NAALADL2: variants seen among roughly 807,000 people sequenced by gnomAD.
The protein encoded by NAALADL2 is inactive N-acetylated-alpha-linked acidic dipeptidase-like protein 2.
NAALADL2 carries 76 observed loss-of-function variants against 87.2 expected under a neutral mutation model. That is an observed-to-expected ratio of 0.87 (90% CI 0.72 to 1.05). The LOEUF is 1.05. NAALADL2 is among the 50% of genes least tolerant of loss of function. The pLI, the probability that NAALADL2 is intolerant of heterozygous loss-of-function variation, is 0.00. For missense variants in NAALADL2, 1,089 were observed against 945.8 expected (o/e 1.15, Z -1.99); for synonymous variants, 354 against 331.0 (o/e 1.07, Z -0.75).
chr3:175,719,892 C>CA (rs1741980372), intron 11 of NAALADL2, among the ~76,000 whole-genome samples: 1 of 152,178 alleles, frequency 6.6e-6, no homozygotes, highest in African/African-American at 2.4e-5. Context: ...TGCCTTTGCA[C>CA]AGTCTCCTCA....
rs779382433 is a variant in NAALADL2 at position 175,471,668 on chromosome 3, T to C, written c.1563T>C (p.Val521=). The C allele has an allele frequency of 6.5e-7, 1 of 1,544,838 alleles. No homozygotes were observed. Among genetic ancestry groups the C allele is most frequent in the Non-Finnish European group, 8.9e-7 (1 of 1,120,292 alleles). ...EDFKKVLQKN[V]VAYISLHSPI... is the part of the protein sequence containing the mutation. ...TCAAGAAGGTTCTTCAGAAAAATGT[T>C]GTGGCTTATATTAGCCTCCACAGTC... The change falls in exon 9 of 14, where the codon GTT becomes GTC. Residue 521 remains valine (V), a synonymous_variant. Coordinates refer to ENST00000454872, the MANE Select transcript of NAALADL2 (RefSeq NM_207015.3).
intron 3 of NAALADL2, among the ~76,000 whole-genome samples, chr3:174,739,847 C>G (rs945566742): frequency 6.6e-6 from 1 of 151,922 alleles, no homozygotes; most frequent in African/African-American, 2.4e-5. Flanking sequence ...CTTGTATTAG[C>G]AAAAAGTATT....
chr3:174,788,870 C>T (rs910439883), intron 3 of NAALADL2, among the ~76,000 whole-genome samples: 28 of 152,134 alleles, frequency 1.8e-4, no homozygotes, highest in African/African-American at 6.5e-4. Context: ...TTGCAGGGCC[C>T]TCTCATTACA....
intron 9 of NAALADL2, among the ~76,000 whole-genome samples, chr3:175,473,351 A>G (rs1166432606): frequency 6.6e-6 from 1 of 151,240 alleles, no homozygotes; most frequent in Non-Finnish European, 1.5e-5. Flanking sequence ...AAATGTTTGC[A>G]CACTAACAAA....
At chr3:175,105,333 A>G (rs2108448406) in intron 2 of NAALADL2, among the ~76,000 whole-genome samples, 1 of 152,076 alleles carries the variant, frequency 6.6e-6, no homozygotes, top group Non-Finnish European at 1.5e-5. Context: ...GAGAAAATGA[A>G]CCAGAGTACA....
chr3:174,876,376 C>A (rs1432400753), intron 1 of NAALADL2, among the ~76,000 whole-genome samples: 1 of 152,136 alleles, frequency 6.6e-6, no homozygotes, highest in Non-Finnish European at 1.5e-5. Flanking sequence ...GCTAACCATC[C>A]TCTAGCTCTT....
intron 5 of NAALADL2, among the ~76,000 whole-genome samples, chr3:175,374,552 A>AG (rs1766883454): frequency 2.9e-5 from 2 of 69,476 alleles, no homozygotes; most frequent in Non-Finnish European, 4.9e-5. Context: ...CTGCATCTCC[A>AG]GAAAAAAAAA....
intron 5 of NAALADL2, among the ~76,000 whole-genome samples, chr3:175,427,040 T>C (rs1221255372): frequency 4.6e-5 from 7 of 152,212 alleles, no homozygotes; most frequent in Non-Finnish European, 1.0e-4. Flanking sequence ...ATTTTAACTC[T>C]GGTAGATACT....
intron 2 of NAALADL2, among the ~76,000 whole-genome samples, chr3:175,162,398 AGT>A (rs1426951500): frequency 6.6e-6 from 1 of 152,152 alleles, no homozygotes; most frequent in Non-Finnish European, 1.5e-5. Context: ...AAGTCGTATC[AGT>A]ATGTTTAATA....
intron 2 of NAALADL2, among the ~76,000 whole-genome samples, chr3:174,622,780 C>A (rs530230925): frequency 6.6e-6 from 1 of 152,298 alleles, no homozygotes; most frequent in East Asian, 1.9e-4. Context: ...GTGGCTCACG[C>A]CTGTAATCCC....
chr3:174,941,630 T>C (rs1019129813), intron 1 of NAALADL2, among the ~76,000 whole-genome samples: 1 of 152,164 alleles, frequency 6.6e-6, no homozygotes, highest in African/African-American at 2.4e-5. Context: ...TGTGGGAGTC[T>C]ATTTCTCTTT....
intron 9 of NAALADL2, among the ~76,000 whole-genome samples, chr3:175,539,097 TG>T (rs1234233896): frequency 1.3e-5 from 2 of 152,230 alleles, no homozygotes; most frequent in Non-Finnish European, 2.9e-5. Flanking sequence ...CTGTTGTAGT[TG>T]GAGAGATCCC....
At chr3:175,407,577 C>T (rs1033328015) in intron 5 of NAALADL2, among the ~76,000 whole-genome samples, 17 of 152,144 alleles carry the variant, frequency 1.1e-4, no homozygotes, top group African/African-American at 3.9e-4. Flanking sequence ...CTTTCATTCA[C>T]TCATTTTCTA....
chr3:174,899,592 C>T (rs913771735), intron 1 of NAALADL2, among the ~76,000 whole-genome samples: 6 of 152,164 alleles, frequency 3.9e-5, no homozygotes, highest in African/African-American at 1.4e-4. Flanking sequence ...TTCCTGAGGG[C>T]CCCTCCAGAA....
At chr3:175,167,266 CA>C (rs1226739981) in intron 2 of NAALADL2, among the ~76,000 whole-genome samples, 3 of 151,866 alleles carry the variant, frequency 2.0e-5, no homozygotes, top group Non-Finnish European at 4.4e-5. Context: ...ACTTTATTTA[CA>C]AAAAAAGAGG....
chr3:175,199,160 A>G (rs138789828), intron 2 of NAALADL2, among the ~76,000 whole-genome samples: 1,607 of 152,284 alleles, frequency 0.011, 20 homozygotes, highest in Non-Finnish European at 0.017. Flanking sequence ...TGCTGCCAAA[A>G]GAGCGCAGAG....
chr3:175,235,557 A>G (rs778634074), intron 3 of NAALADL2: 6 of 152,232 alleles, frequency 3.9e-5, no homozygotes, highest in Non-Finnish European at 8.8e-5. Flanking sequence ...TCTTTCCTTG[A>G]TTCAGAAGCT....
chr3:175,438,964 A>G lies in NAALADL2; in HGVS notation c.1091-8265A>G, dbSNP rs549845902. 9.2e-5 allele frequency among the ~76,000 whole-genome samples: 14 copies of G among 152,188 alleles called. No individual in the cohort carries two copies. In the South Asian group the frequency reaches 2.3e-3, roughly 25 times the overall value. ...GGTATACCCATCACCCAAGCAGTGTACATTGTACCCAATGTGTAGTCTTTT... is the reference window on the plus strand; with the variant it reads ...GGTATACCCATCACCCAAGCAGTGTGCATTGTACCCAATGTGTAGTCTTTT... On this transcript the variant is annotated intron_variant, in intron 5 of 13. Coordinates refer to ENST00000454872, the MANE Select transcript of NAALADL2 (RefSeq NM_207015.3).
chr3:175,506,997 G>T (rs1419536093), intron 9 of NAALADL2, among the ~76,000 whole-genome samples: 1 of 151,866 alleles, frequency 6.6e-6, no homozygotes, highest in Non-Finnish European at 1.5e-5. Flanking sequence ...GAGTACATCT[G>T]CTATCAGCCC....
Sources: gnomAD v4.1 joint callset for allele counts (sites outside exome capture counted in the v4.1 genomes callset) on GRCh38, gnomAD v4.1.1 for gene constraint, MANE v1.5 for transcripts, NCBI Gene and HGNC (gene_info 2026-07-23, HGNC 2026-07-21) for gene names.